The following PICALM variants were observed in gnomAD, a reference collection of about 807,000 sequenced individuals.
PICALM encodes phosphatidylinositol-binding clathrin assembly protein.
PICALM carries 40 observed loss-of-function variants against 80.5 expected under a neutral mutation model. The ratio of observed to expected loss-of-function variants is 0.50; its 90% CI spans 0.39 to 0.65. The LOEUF (loss-of-function observed/expected upper bound fraction) is 0.65, where lower values mean the gene tolerates loss of function less well. Ranked by LOEUF, PICALM falls within the 30% of genes least tolerant of loss-of-function variation. The pLI is 0.00. For synonymous variants in PICALM, 288 were observed against 260.3 expected (o/e 1.11, Z -1.02); for missense variants, 676 against 778.9 (o/e 0.87, Z 1.57).
At chr11:86,014,163 TGAA>T (rs1418674861) in intron 5 of PICALM, among the ~76,000 whole-genome samples, 2 of 152,152 alleles carry the variant, frequency 1.3e-5, no homozygotes. Context: ...GTTCCTGCCC[TGAA>T]GAAGCTTAAA....
At chr11:85,967,186 T>G (rs1358139402) in intron 19 of PICALM, among the ~76,000 whole-genome samples, 1 of 152,168 alleles carries the variant, frequency 6.6e-6, no homozygotes, top group Non-Finnish European at 1.5e-5. Flanking sequence ...AAGTTAAAGT[T>G]GGAGTAGAGA....
intron 1 of PICALM, among the ~76,000 whole-genome samples, chr11:86,049,929 G>A (rs975147301): frequency 6.6e-6 from 1 of 151,856 alleles, no homozygotes; most frequent in African/African-American, 2.4e-5. Flanking sequence ...GCCAGGTGAG[G>A]TGGCTCACGC....
At chr11:86,000,460 C>T (rs944450789) in intron 11 of PICALM, among the ~76,000 whole-genome samples, 183 bp downstream of exon 11, 5 of 152,078 alleles carry the variant, frequency 3.3e-5, no homozygotes, top group African/African-American at 7.2e-5. Flanking sequence ...TTCGTAAATA[C>T]GTAAAATATA....
chr11:85,968,761 G>GA (rs2093994314), intron 19 of PICALM, among the ~76,000 whole-genome samples: 1 of 152,050 alleles, frequency 6.6e-6, no homozygotes, highest in African/African-American at 2.4e-5. Flanking sequence ...AGGAAGCACA[G>GA]AAGAGAAACA....
At chr11:86,064,799 C>T (rs1244492732) in intron 1 of PICALM, among the ~76,000 whole-genome samples, 2 of 151,720 alleles carry the variant, frequency 1.3e-5, no homozygotes, top group East Asian at 3.9e-4. Flanking sequence ...AAGGGCCAGG[C>T]ATGCTGGCTC....
rs796761366 is a variant in PICALM at position 86,020,867 on chromosome 11, G to GA, written c.452+1499dup. 4.1e-4 allele frequency among the ~76,000 whole-genome samples: 62 copies of GA among 150,776 alleles called. 1 individual carries two copies. Among genetic ancestry groups the GA allele is most frequent in the Middle Eastern group, 3.4e-3 (1 of 292 alleles). On this transcript the variant is annotated intron_variant, in intron 4 of 19. Coordinates refer to ENST00000393346, the MANE Select transcript of PICALM (RefSeq NM_007166.4). Reference sequence around the variant, plus strand: ...ATTACAAAAGTACAAGCAACCAAAGGAAAAAAAAGATACACTTAATTAATT... The same window carrying GA: ...ATTACAAAAGTACAAGCAACCAAAGGAAAAAAAAAGATACACTTAATTAATT...
chr11:86,025,426 C>T (rs375403083), intron 3 of PICALM, among the ~76,000 whole-genome samples: 5 of 151,818 alleles, frequency 3.3e-5, no homozygotes, highest in East Asian at 3.9e-4. Flanking sequence ...AAAATAGCTA[C>T]GAATATGAAG....
At chr11:86,045,904 C>A (rs1400241513) in intron 1 of PICALM, among the ~76,000 whole-genome samples, 2 of 152,156 alleles carry the variant, frequency 1.3e-5, no homozygotes, top group African/African-American at 4.8e-5. Context: ...TTCAAATAAA[C>A]CTTCTACCCA....
In PICALM at chr11:85,984,525, TTA is replaced by T. The variant is rs552546531; in HGVS notation, c.1409-554_1409-553del. Among the ~76,000 whole-genome samples the T allele has an allele frequency of 2.6e-4, 39 of 152,310 alleles. No homozygotes were observed. The South Asian group carries it at 6.8e-3, about 27-fold the overall frequency. On this transcript the variant is annotated intron_variant, in intron 13 of 19. Coordinates refer to ENST00000393346, the MANE Select transcript of PICALM (RefSeq NM_007166.4). ...TCTGAATGTTCCAACTCACTAATCC[TTA>T]TGTCCACCTGTATCCATATGCTTTT...
At chr11:86,048,049 C>T in intron 1 of PICALM, among the ~76,000 whole-genome samples, 1 of 151,862 alleles carries the variant, frequency 6.6e-6, no homozygotes, top group East Asian at 1.9e-4. Flanking sequence ...TGCAGTGAGC[C>T]GAGATCCCGC....
intron 1 of PICALM, among the ~76,000 whole-genome samples, chr11:86,035,890 G>A (rs1220846981): frequency 6.7e-6 from 1 of 148,732 alleles, no homozygotes; most frequent in Non-Finnish European, 1.5e-5. Flanking sequence ...GGAGGTTGCA[G>A]TGAGCCGAGA....
chr11:86,011,044 G>T lies in PICALM; in HGVS notation c.751C>A (p.Leu251Ile), dbSNP rs749316213. 1 of 1,510,516 alleles carries T rather than the reference G, an allele frequency of 6.6e-7. No homozygotes were observed. Among genetic ancestry groups the T allele is most frequent in the Non-Finnish European group, 9.1e-7 (1 of 1,094,668 alleles). 93.6% of individuals were successfully genotyped at this position (1,510,516 alleles called of 1,614,324 possible). A position where few individuals can be genotyped will look rare whatever the true frequency, so the allele number is the denominator to read the frequency against. ...AGACAGTTTACCTCTGCAACTTTGA[G>T]GAACTCTGAGATTCTTGTCATCCTA... Reference protein sequence around the residue: ...LTRMTRISEFLKVAEQVGIDR... With the variant: ...LTRMTRISEFIKVAEQVGIDR... The change falls in exon 7 of 20, where the codon CTC becomes ATC. Residue 251 changes from leucine to isoleucine, a missense_variant. Leu to Ile is a conservative substitution (Grantham distance 5). Transcript: ENST00000393346.
At chr11:85,978,053 C>T (rs1269838843) in intron 17 of PICALM, 4 of 1,608,616 alleles carry the variant, frequency 2.5e-6, no homozygotes, top group Admixed American at 3.3e-5. Flanking sequence ...CAAAAAGGCT[C>T]GTTTTTGGTC....
intron 1 of PICALM, among the ~76,000 whole-genome samples, chr11:86,062,625 A>G (rs888991792): frequency 1.3e-5 from 2 of 152,122 alleles, no homozygotes; most frequent in Non-Finnish European, 2.9e-5. Context: ...GGGATATAAT[A>G]TATCTTGATA....
At chr11:86,020,039 A>G (rs2095539015) in intron 4 of PICALM, among the ~76,000 whole-genome samples, 1 of 152,084 alleles carries the variant, frequency 6.6e-6, no homozygotes, top group African/African-American at 2.4e-5. Flanking sequence ...CTCATCCTAT[A>G]TCCTAGGAAA....
intron 19 of PICALM, among the ~76,000 whole-genome samples, chr11:85,962,049 G>A (rs576981550): frequency 1.3e-5 from 2 of 152,224 alleles, no homozygotes; most frequent in South Asian, 2.1e-4. Context: ...AAAAACAAAT[G>A]TTCAAAGACA....
Position 86,022,332 on chromosome 11 carries a change from C to G in PICALM, c.452+35G>C, listed in dbSNP as rs1165653826. 10 of 1,124,066 alleles carry G rather than the reference C, an allele frequency of 8.9e-6. 1 individual carries two copies. In the South Asian group the frequency reaches 1.2e-4, roughly 14 times the overall value. The allele number at this position is 1,124,066 out of a possible 1,614,324, so 69.6% of individuals were successfully genotyped here. On this transcript the variant is annotated intron_variant, in intron 4 of 19. Transcript: ENST00000393346. ...CCTATGTTTTACATTTTTAAAAATTCAAATCAATTAGATGTCAAAAAAAGC... is the reference window on the plus strand; with the variant it reads ...CCTATGTTTTACATTTTTAAAAATTGAAATCAATTAGATGTCAAAAAAAGC...
intron 18 of PICALM, among the ~76,000 whole-genome samples, chr11:85,975,251 T>C (rs17745024): frequency 0.11 from 15,985 of 152,166 alleles, 958 homozygotes; most frequent in Admixed American, 0.14. Flanking sequence ...GTGAAGACAG[T>C]TGATTCTCTG....
At chr11:85,991,595 T>A (rs1320221361) in intron 12 of PICALM, among the ~76,000 whole-genome samples, 1 of 151,678 alleles carries the variant, frequency 6.6e-6, no homozygotes, top group Non-Finnish European at 1.5e-5. Context: ...AAACAACACA[T>A]CTTTTAAATA....
Sources: gnomAD v4.1 joint callset for allele counts (sites outside exome capture counted in the v4.1 genomes callset) on GRCh38, gnomAD v4.1.1 for gene constraint, MANE v1.5 for transcripts, NCBI Gene and HGNC (gene_info 2026-07-23, HGNC 2026-07-21) for gene names.